KCNAB1: variants seen among roughly 807,000 people sequenced by gnomAD.
KCNAB1 encodes the protein potassium voltage-gated channel subfamily A regulatory beta subunit 1.
In KCNAB1, 35 loss-of-function variants were observed where a neutral mutation model predicts 64.6. That is an observed-to-expected ratio of 0.54 (90% CI 0.41 to 0.72). KCNAB1 has a LOEUF of 0.72. Ranked by LOEUF, KCNAB1 falls within the 30% of genes least tolerant of loss-of-function variation. The pLI, the probability that KCNAB1 is intolerant of heterozygous loss-of-function variation, is 0.00. For synonymous variants in KCNAB1, 177 were observed against 183.8 expected (o/e 0.96, Z 0.30); for missense variants, 401 against 512.9 (o/e 0.78, Z 2.11).
intron 12 of KCNAB1, among the ~76,000 whole-genome samples, chr3:156,531,124 T>C (rs914088362): frequency 6.6e-6 from 1 of 152,166 alleles, no homozygotes; most frequent in Non-Finnish European, 1.5e-5. Flanking sequence ...GTTTTCTGCT[T>C]CTACTTGAGG....
Position 156,508,585 on chromosome 3 carries a change from G to A in KCNAB1, c.659-5779G>A, listed in dbSNP as rs1346977732. On this transcript the variant is annotated intron_variant, in intron 8 of 13. Coordinates refer to ENST00000490337, the MANE Select transcript of KCNAB1 (RefSeq NM_172160.3). This position sits in a 1 kb window ranked among gnomAD's most constrained non-coding sequence, Gnocchi z 4.1. ...TTACTGAAACAACTGTCCCCAAAATGTTAGAATCTGGGCCTATTTGAGAAG... is the reference window on the plus strand; with the variant it reads ...TTACTGAAACAACTGTCCCCAAAATATTAGAATCTGGGCCTATTTGAGAAG... Among the ~76,000 whole-genome samples the A allele has an allele frequency of 6.6e-6, 1 of 152,156 alleles. No homozygotes were observed. The highest frequency in any genetic ancestry group is 1.5e-5 in the Non-Finnish European group (1 of 68,018).
chr3:156,270,643 G>A (rs902929165), intron 1 of KCNAB1, among the ~76,000 whole-genome samples: 2 of 151,960 alleles, frequency 1.3e-5, no homozygotes, highest in Non-Finnish European at 2.9e-5. Context: ...ATATGCCATT[G>A]CGCTGTCTTG....
chr3:156,400,338 A>C (rs1713801361), intron 1 of KCNAB1, among the ~76,000 whole-genome samples: 1 of 152,140 alleles, frequency 6.6e-6, no homozygotes, highest in Non-Finnish European at 1.5e-5. Flanking sequence ...TAGAGAGAAA[A>C]AGCCCTTGTC....
At chr3:156,479,917 TC>T (rs1714666323) in intron 8 of KCNAB1, among the ~76,000 whole-genome samples, 1 of 152,146 alleles carries the variant, frequency 6.6e-6, no homozygotes, top group African/African-American at 2.4e-5. Flanking sequence ...TTTACTTCTT[TC>T]TAAGCCATCT....
intron 11 of KCNAB1, among the ~76,000 whole-genome samples, chr3:156,518,314 A>G (rs895673309): frequency 3.9e-5 from 6 of 152,166 alleles, no homozygotes; most frequent in African/African-American, 1.4e-4. Flanking sequence ...AAGGCTCTAC[A>G]TTATCAATCT....
chr3:156,284,344 G>A (rs1049271148), intron 1 of KCNAB1, among the ~76,000 whole-genome samples: 118 of 152,306 alleles, frequency 7.7e-4, no homozygotes, highest in Non-Finnish European at 1.4e-3. Context: ...CCAGCTGCGT[G>A]CTCGGAGAAC....
intron 1 of KCNAB1, among the ~76,000 whole-genome samples, chr3:156,218,421 G>A (rs1195262918): frequency 1.3e-5 from 2 of 152,162 alleles, no homozygotes; most frequent in African/African-American, 4.8e-5. Context: ...CCTGGCAGCT[G>A]AAGACAAAGG....
chr3:156,518,773 C>G (rs11926999), intron 11 of KCNAB1, among the ~76,000 whole-genome samples: 29,249 of 152,088 alleles, frequency 0.19, 2,854 homozygotes, highest in Middle Eastern at 0.28. Flanking sequence ...GGCCCCACTA[C>G]TCTAACAATG....
chr3:156,139,264 A>G (rs1003338179), intron 1 of KCNAB1, among the ~76,000 whole-genome samples: 1 of 152,248 alleles, frequency 6.6e-6, no homozygotes, highest in Non-Finnish European at 1.5e-5. Flanking sequence ...TATGAAAAGA[A>G]ACTTCAGTTC....
At chr3:156,293,498 C>A (rs953498435) in intron 1 of KCNAB1, among the ~76,000 whole-genome samples, 4 of 152,186 alleles carry the variant, frequency 2.6e-5, no homozygotes, top group Admixed American at 1.3e-4. Context: ...GAAAAAATTT[C>A]TTTGCAGAGT....
At chr3:156,132,333 T>C (rs1714044228) in intron 1 of KCNAB1, among the ~76,000 whole-genome samples, 1 of 152,192 alleles carries the variant, frequency 6.6e-6, no homozygotes. Flanking sequence ...GACCTGTAGA[T>C]GGTCATCTGA....
chr3:156,377,295 G>A (rs1178691988), intron 1 of KCNAB1, among the ~76,000 whole-genome samples: 2 of 152,130 alleles, frequency 1.3e-5, no homozygotes, highest in Non-Finnish European at 2.9e-5. Flanking sequence ...AGGGAAAGAA[G>A]AGCAGGTTGG....
At chr3:156,421,926 G>A (rs550104239) in intron 2 of KCNAB1, among the ~76,000 whole-genome samples, 5 of 152,054 alleles carry the variant, frequency 3.3e-5, no homozygotes, top group African/African-American at 7.2e-5. Context: ...GGACTCATGC[G>A]TCACTCCCAT....
intron 1 of KCNAB1, among the ~76,000 whole-genome samples, chr3:156,391,887 C>CTGT: frequency 6.6e-6 from 1 of 152,204 alleles, no homozygotes; most frequent in Non-Finnish European, 1.5e-5. Flanking sequence ...ACTAGTATTT[C>CTGT]AGCCTCTGTA....
At chr3:156,379,946 A>G (rs190827503) in intron 1 of KCNAB1, among the ~76,000 whole-genome samples, 3 of 152,238 alleles carry the variant, frequency 2.0e-5, no homozygotes, top group Admixed American at 2.0e-4. Context: ...TAGTGTGTGA[A>G]ATGGAAGAGT....
At chr3:156,499,734 A>T (rs888280180) in intron 8 of KCNAB1, among the ~76,000 whole-genome samples, 2 of 152,276 alleles carry the variant, frequency 1.3e-5, no homozygotes, top group Admixed American at 6.5e-5. Flanking sequence ...GTGGGAATGT[A>T]ATAATACCAC....
intron 1 of KCNAB1, among the ~76,000 whole-genome samples, chr3:156,179,552 A>G (rs1712663629): frequency 6.6e-6 from 1 of 150,842 alleles, no homozygotes; most frequent in Admixed American, 6.7e-5. Flanking sequence ...GGACTCCCTC[A>G]GAAGGCACCT....
chr3:156,291,042 C>A (rs1041799086), intron 1 of KCNAB1: 2 of 985,644 alleles, frequency 2.0e-6, no homozygotes, highest in African/African-American at 1.7e-5. Context: ...CCCCCAGTTC[C>A]AACTGTTGTG....
chr3:156,143,569 G>GTTGTTTTTTTTTT (rs1443482013), intron 1 of KCNAB1: 3 of 281,610 alleles, frequency 1.1e-5, no homozygotes, highest in African/African-American at 8.8e-5. Flanking sequence ...TTGCATTCTT[G>GTTGTTTTTTTTTT]TTTTTTTTTT....
Sources: allele counts gnomAD v4.1 joint callset (sites outside exome capture counted in the v4.1 genomes callset), GRCh38; gene constraint gnomAD v4.1.1; non-coding constraint Gnocchi (gnomAD v3.1); transcripts MANE v1.5; gene names NCBI Gene and HGNC (gene_info 2026-07-23, HGNC 2026-07-21).